Variants in DR1 observed in about 807,000 individuals in gnomAD.
DR1 encodes the protein down-regulator of transcription 1, also known as protein Dr1.
Under a neutral mutation model 19.9 loss-of-function variants are expected in DR1, and 7 were observed. The ratio of observed to expected loss-of-function variants is 0.35; its 90% CI spans 0.20 to 0.66. DR1 has a LOEUF of 0.66. Ranked by LOEUF, DR1 falls within the 30% of genes least tolerant of loss-of-function variation. The pLI is 0.66. For synonymous variants in DR1, 76 were observed against 72.5 expected, an observed-to-expected ratio of 1.05 and a Z score of -0.24; for missense variants, 98 against 203.7, an observed-to-expected ratio of 0.48 and a Z score of 3.16.
At position 93,360,514 on chromosome 1, in the gene DR1, T is replaced by C. The variant is rs371065674; in HGVS notation, c.406T>C (p.Leu136=). 3.7e-5 allele frequency: 59 copies of C among 1,585,830 alleles called. No individual in the cohort carries two copies. In the African/African-American group the frequency reaches 5.3e-4, roughly 14 times the overall value. The stretch of plus-strand genomic sequence containing the variant: ...TTAGGCTAGACAGCAACAAGCAGAA[T>C]TGGCCCAACAGGAATGGCTTCAAAT... ...FAKARQQQAE[L]AQQEWLQMQQ... Residue 136 remains leucine, a synonymous_variant, in exon 3 of 3, where the codon TTG becomes CTG. Transcript: ENST00000370272.
rs917079699 is a variant in DR1 at position 93,346,936 on chromosome 1, G to T, written c.220+71G>T. ...AGTCTGCTAATCGCGTGACCCTTTC[G>T]TGTCAAAGCCTCCATTCCTCTTCCC... On this transcript the variant is annotated intron_variant, in intron 1 of 2. Transcript: ENST00000370272. 3.7e-6 allele frequency: 5 copies of T among 1,350,176 alleles called. No homozygotes were observed. The African/African-American group carries it at 7.2e-5, about 20-fold the overall frequency. The allele number at this position is 1,350,176 out of a possible 1,614,324, so 83.6% of individuals were successfully genotyped here.
Position 93,353,741 on chromosome 1 carries a change from T to C in DR1, c.221-167T>C, listed in dbSNP as rs188627994. ...TAGCAGATTGATAAAATATTTGTCT[T>C]GGCTGCCCAGACAGTTGTTGTACAA... is the stretch of plus-strand genomic sequence containing the variant. On this transcript the variant is annotated intron_variant, in intron 1 of 2. Coordinates refer to ENST00000370272, the MANE Select transcript of DR1 (RefSeq NM_001938.3). 6.6e-4 allele frequency among the ~76,000 whole-genome samples: 101 copies of C among 152,364 alleles called. 1 individual carries two copies. In the East Asian group the frequency reaches 0.018, roughly 28 times the overall value.
Position 93,369,116 on chromosome 1 carries a change from C to T in DR1, c.*8477C>T, listed in dbSNP as rs1341816150. The T allele has an allele frequency of 6.6e-6, 1 of 152,006 alleles. No individual in the cohort carries two copies. The highest frequency in any genetic ancestry group is 2.4e-5 in the African/African-American group (1 of 41,394). 9.4% of individuals were successfully genotyped at this position (152,006 alleles called of 1,614,324 possible). A position where few individuals can be genotyped will look rare whatever the true frequency, so the allele number is the denominator to read the frequency against. On this transcript the variant is annotated 3_prime_UTR_variant, in exon 3 of 3. Transcript: ENST00000370272. Reference sequence around the variant, plus strand: ...TTGGTATCCTTGGGGTATCCTGGAACCAATCCCTGGCGGATACCAAGGGAT... The same window carrying T: ...TTGGTATCCTTGGGGTATCCTGGAATCAATCCCTGGCGGATACCAAGGGAT...
At chr1:93,351,436 CTTTTTTTTTT>C (rs397862048) in intron 1 of DR1, among the ~76,000 whole-genome samples, 5 of 103,844 alleles carry the variant, frequency 4.8e-5, no homozygotes, top group East Asian at 2.8e-4. Context: ...GATTTTCTTT[CTTTTTTTTTT>C]TTTTTTTTTT....
At chr1:93,360,383 C>T in intron 2 of DR1, 110 bp from the exon 3 acceptor site, 2 of 987,660 alleles carry the variant, frequency 2.0e-6, no homozygotes, top group Non-Finnish European at 2.9e-6. Context: ...GGACAGTATC[C>T]AAGTATGATA....
rs1245657479 is a variant in DR1 at position 93,364,272 on chromosome 1, A to AT, written c.*3635dup. On this transcript the variant is annotated 3_prime_UTR_variant, in exon 3 of 3. Coordinates refer to ENST00000370272, the MANE Select transcript of DR1 (RefSeq NM_001938.3). ...TGCCCTTATTAACTGACACATTAGT[A>AT]TTACATACTCATTAGGTTATTGCTC... 6.6e-6 allele frequency: 1 copy of AT among 152,260 alleles called. No homozygotes were observed. Among genetic ancestry groups the AT allele is most frequent in the Non-Finnish European group, 1.5e-5 (1 of 68,048 alleles). The allele number at this position is 152,260 out of a possible 1,614,324, so 9.4% of individuals were successfully genotyped here.
chr1:93,355,137 T>A (rs1666964084), intron 2 of DR1: 1 of 152,144 alleles, frequency 6.6e-6, no homozygotes, highest in African/African-American at 2.4e-5. Flanking sequence ...AATGCTAAAT[T>A]GAACATTTAG....
chr1:93,353,853 G>A (rs1241790589), intron 1 of DR1, 55 bp from the exon 2 acceptor site: 5 of 1,449,726 alleles, frequency 3.4e-6, no homozygotes, highest in East Asian at 2.4e-5. Flanking sequence ...TCTACGGGTT[G>A]GGGGAAAGCT....
At chr1:93,354,630 A>G (rs888423281) in intron 2 of DR1, among the ~76,000 whole-genome samples, 4 of 152,132 alleles carry the variant, frequency 2.6e-5, no homozygotes, top group Non-Finnish European at 5.9e-5. Context: ...AGGGAGGGGA[A>G]TTGGTGGCAA....
At position 93,362,312 on chromosome 1, in the gene DR1, A is replaced by C. The variant is rs1172338380; in HGVS notation, c.*1673A>C. On this transcript the variant is annotated 3_prime_UTR_variant, in exon 3 of 3. Coordinates refer to ENST00000370272, the MANE Select transcript of DR1 (RefSeq NM_001938.3). Reference sequence around the variant, plus strand: ...GTTTTTTAAAAAGTTTAAGTACCAAAGGTAGTCTAGTCTAGAACGATAAGT... The same window carrying C: ...GTTTTTTAAAAAGTTTAAGTACCAACGGTAGTCTAGTCTAGAACGATAAGT... The C allele has an allele frequency of 6.6e-6, 1 of 152,482 alleles. No homozygotes were observed. The highest frequency in any genetic ancestry group is 1.5e-5 in the Non-Finnish European group (1 of 67,892). 9.4% of individuals were successfully genotyped at this position (152,482 alleles called of 1,614,324 possible).
chr1:93,356,232 C>A (rs1666980920), intron 2 of DR1, among the ~76,000 whole-genome samples: 1 of 147,568 alleles, frequency 6.8e-6, no homozygotes. Flanking sequence ...TATCAATCAA[C>A]TTTTTTTTTT....
At chr1:93,351,911 A>T (rs1366239893) in intron 1 of DR1, among the ~76,000 whole-genome samples, 1 of 152,170 alleles carries the variant, frequency 6.6e-6, no homozygotes, top group Non-Finnish European at 1.5e-5. Flanking sequence ...TACACTTATG[A>T]GGGTACTCTT....
In DR1 at chr1:93,346,633, A is replaced by G. The variant is rs776681709; in HGVS notation, c.-13A>G. 1 of 1,609,664 alleles carries G rather than the reference A, an allele frequency of 6.2e-7. No homozygotes were observed. The highest frequency in any genetic ancestry group is 1.1e-5 in the South Asian group (1 of 90,942). On this transcript the variant is annotated 5_prime_UTR_variant, in exon 1 of 3. Coordinates refer to ENST00000370272, the MANE Select transcript of DR1 (RefSeq NM_001938.3). ...GTTTTTAAAAGCCGGGGCGCGAGAA[A>G]CAGGAAGGTACTATGGCTTCCTCGT...
chr1:93,353,662 G>A (rs1666944434), intron 1 of DR1, among the ~76,000 whole-genome samples: 1 of 152,168 alleles, frequency 6.6e-6, no homozygotes, highest in Admixed American at 6.5e-5. Flanking sequence ...AGAATGAAAA[G>A]TGAAGGCATG....
intron 1 of DR1, among the ~76,000 whole-genome samples, chr1:93,349,336 G>C (rs1030000830): frequency 2.6e-5 from 4 of 152,028 alleles, no homozygotes; most frequent in Non-Finnish European, 4.4e-5. Context: ...ATAGATACAT[G>C]AATAGAGGGA....
At position 93,366,524 on chromosome 1, in the gene DR1, A is replaced by G. The variant is rs560147761; in HGVS notation, c.*5885A>G. 3 of 152,350 alleles carry G rather than the reference A, an allele frequency of 2.0e-5. No homozygotes were observed. In the South Asian group the frequency reaches 6.2e-4, roughly 32 times the overall value. 9.4% of individuals were successfully genotyped at this position (152,350 alleles called of 1,614,324 possible). A position where few individuals can be genotyped will look rare whatever the true frequency, so the allele number is the denominator to read the frequency against. On this transcript the variant is annotated 3_prime_UTR_variant, in exon 3 of 3. Transcript: ENST00000370272. ...TAGGTTCTGGGAAACTGCGAGTTTAAGAAAAACAACATATAATGAAATCAA... is the reference window on the plus strand; with the variant it reads ...TAGGTTCTGGGAAACTGCGAGTTTAGGAAAAACAACATATAATGAAATCAA...
chr1:93,358,282 A>G (rs1009029030), intron 2 of DR1, among the ~76,000 whole-genome samples: 4 of 151,650 alleles, frequency 2.6e-5, no homozygotes, highest in African/African-American at 7.3e-5. Flanking sequence ...TGCAAGCCAC[A>G]TGTTTCTTTG....
At chr1:93,353,378 T>G (rs1666942070) in intron 1 of DR1, among the ~76,000 whole-genome samples, 1 of 152,224 alleles carries the variant, frequency 6.6e-6, no homozygotes, top group Admixed American at 6.5e-5. Context: ...CTATAAGTGC[T>G]GAATTTCATG....
chr1:93,366,124 T>G lies in DR1; in HGVS notation c.*5485T>G, dbSNP rs2101643146. On this transcript the variant is annotated 3_prime_UTR_variant, in exon 3 of 3. Coordinates refer to ENST00000370272, the MANE Select transcript of DR1 (RefSeq NM_001938.3). ...TCTCCTCAGCCTCTGGTAACCAGCA[T>G]TCAGTCTCTATGAATTGACTACTCT... 6.6e-6 allele frequency: 1 copy of G among 152,328 alleles called. No individual in the cohort carries two copies. The highest frequency in any genetic ancestry group is 2.1e-4 in the South Asian group (1 of 4,828). 9.4% of individuals were successfully genotyped at this position (152,328 alleles called of 1,614,324 possible).
Sources: allele counts gnomAD v4.1 joint callset (sites outside exome capture counted in the v4.1 genomes callset), GRCh38; gene constraint gnomAD v4.1.1; transcripts MANE v1.5; gene names NCBI Gene and HGNC (gene_info 2026-07-23, HGNC 2026-07-21).